Variants in CHD1L observed in about 807,000 individuals in gnomAD.
CHD1L encodes the protein chromodomain helicase DNA binding protein 1 like.
CHD1L carries 118 observed loss-of-function variants against 115.9 expected under a neutral mutation model. The ratio of observed to expected loss-of-function variants is 1.02; its 90% CI spans 0.88 to 1.19. The LOEUF (loss-of-function observed/expected upper bound fraction) is 1.19. Ranked by LOEUF, CHD1L falls within the 50% of genes most tolerant of loss-of-function variation. CHD1L has a pLI of 0.00. For synonymous variants in CHD1L, 411 were observed against 387.1 expected (o/e 1.06, Z -0.72); for missense variants, 1,179 against 1,065.3 (o/e 1.11, Z -1.49).
chr1:147,172,842 C>T, the CHD1L span: 5,962 of 152,478 alleles, frequency 0.039, 177 homozygotes, highest in South Asian at 0.095. Flanking sequence ...TGCTCGGTGC[C>T]GGGAGGAGCG....
intron 6 of CHD1L, among the ~76,000 whole-genome samples, chr1:147,262,580 G>T (rs782309244): frequency 1.3e-5 from 2 of 152,078 alleles, no homozygotes; most frequent in Non-Finnish European, 2.9e-5. Context: ...AACACATATT[G>T]TAAGAATGTG....
intron 15 of CHD1L, among the ~76,000 whole-genome samples, chr1:147,281,173 T>C (rs1413371486): frequency 6.6e-6 from 1 of 152,210 alleles, no homozygotes; most frequent in Non-Finnish European, 1.5e-5. Flanking sequence ...CTGCATGTAT[T>C]TTCATACCTT....
the CHD1L span, chr1:147,190,127 A>G: frequency 8.1e-7 from 1 of 1,241,798 alleles, no homozygotes; most frequent in Non-Finnish European, 1.2e-6. Flanking sequence ...TTCTTTTATT[A>G]AGAAATAAGT....
At chr1:147,256,285 C>T (rs1553940323) in intron 4 of CHD1L, among the ~76,000 whole-genome samples, 1 of 152,046 alleles carries the variant, frequency 6.6e-6, no homozygotes, top group Non-Finnish European at 1.5e-5. Context: ...ACAGCTCCGG[C>T]CTTATTTTAA....
the CHD1L span, chr1:147,175,014 T>G: frequency 6.6e-6 from 1 of 152,156 alleles, no homozygotes; most frequent in African/African-American, 2.4e-5. Flanking sequence ...AGTGAGGATG[T>G]GAGAATGAAG....
chr1:147,288,351 A>AC (rs1201334971), intron 19 of CHD1L, among the ~76,000 whole-genome samples: 1 of 147,052 alleles, frequency 6.8e-6, no homozygotes. Flanking sequence ...AAAAAAGAAA[A>AC]AGAGAACTAT....
the CHD1L span, among the ~76,000 whole-genome samples, chr1:147,235,864 T>C: frequency 3.3e-5 from 5 of 152,170 alleles, no homozygotes; most frequent in African/African-American, 1.2e-4. Context: ...GGGTGTTGCT[T>C]TGTGAGACAG....
intron 15 of CHD1L, among the ~76,000 whole-genome samples, chr1:147,282,194 T>G (rs944842330): frequency 6.6e-6 from 1 of 152,216 alleles, no homozygotes; most frequent in Admixed American, 6.5e-5. Flanking sequence ...GTGAGTCAGC[T>G]TTTACATGGA....
intron 6 of CHD1L, among the ~76,000 whole-genome samples, chr1:147,261,977 C>T (rs587629660): frequency 2.0e-5 from 3 of 152,034 alleles, no homozygotes; most frequent in East Asian, 3.9e-4. Flanking sequence ...GGGTGGATCA[C>T]GAGGTCAGGA....
At chr1:147,242,032 T>C (rs1214203170), upstream of CHD1L, among the ~76,000 whole-genome samples, 1 of 152,188 alleles carries the variant, frequency 6.6e-6, no homozygotes, top group African/African-American at 2.4e-5. Context: ...ATATTTATAT[T>C]AGTGGTATAC....
the CHD1L span, chr1:147,208,814 T>C: frequency 6.4e-7 from 1 of 1,553,270 alleles, no homozygotes; most frequent in Admixed American, 1.7e-5. Flanking sequence ...TTCTTGTGCT[T>C]TGGCCACTAT....
intron 18 of CHD1L, 130 bp downstream of exon 18, chr1:147,286,630 T>G (rs999650933): frequency 1.6e-5 from 13 of 788,638 alleles, no homozygotes; most frequent in Non-Finnish European, 2.6e-5. Flanking sequence ...AGTGTGAATT[T>G]TAGAGTCAGG....
chr1:147,217,751 T>G, the CHD1L span, among the ~76,000 whole-genome samples: 1 of 152,252 alleles, frequency 6.6e-6, no homozygotes, highest in Non-Finnish European at 1.5e-5. Context: ...GTGGCTGGAC[T>G]AAATCTCTGC....
At position 147,280,156 on chromosome 1, in the gene CHD1L, C is replaced by T. The variant is rs782423742; in HGVS notation, c.1670C>T (p.Ala557Val). Residue 557 changes from alanine (A) to valine (V), a missense_variant, in exon 15 of 23, where the codon GCA (alanine) becomes GTA (valine). Transcript: ENST00000369258. Reference sequence around the variant, plus strand: ...CAGTGGGTCTCTGATGCCTTGCCTGCAGCAGAAGGAGGGAGCAGAGATCAA... The same window carrying T: ...CAGTGGGTCTCTGATGCCTTGCCTGTAGCAGAAGGAGGGAGCAGAGATCAA... The part of the protein sequence containing the change: ...DGQWVSDALP[A>V]AEGGSRDQEE... 1.9e-6 allele frequency: 3 copies of T among 1,610,968 alleles called. No homozygotes were observed. Among genetic ancestry groups the T allele is most frequent in the African/African-American group, 2.7e-5 (2 of 74,756 alleles).
chr1:147,276,375 C>T (rs1460023940), intron 14 of CHD1L, 118 bp downstream of exon 14: 1 of 1,017,528 alleles, frequency 9.8e-7, no homozygotes, highest in Admixed American at 2.5e-5. Flanking sequence ...GTTCCTTGGC[C>T]TCCCTCACAC....
chr1:147,193,823 G>GAGTTTTTT, the CHD1L span, among the ~76,000 whole-genome samples: 1 of 152,122 alleles, frequency 6.6e-6, no homozygotes, highest in Non-Finnish European at 1.5e-5. Flanking sequence ...GGTTTTGAGT[G>GAGTTTTTT]AGTTTTTTAG....
chr1:147,291,445 G>C (rs781887912), intron 19 of CHD1L, 37 bp from the exon 20 acceptor site: 4 of 1,529,396 alleles, frequency 2.6e-6, no homozygotes, highest in Non-Finnish European at 3.6e-6. Flanking sequence ...TAGTGAACTT[G>C]GTGTTCTTTA....
At chr1:147,225,825 C>A in the CHD1L span, 1 of 152,154 alleles carries the variant, frequency 6.6e-6, no homozygotes, top group East Asian at 1.9e-4. Flanking sequence ...TTTATTCGGC[C>A]GGGAGCGTCG....
At chr1:147,279,207 C>T (rs193189157) in intron 14 of CHD1L, among the ~76,000 whole-genome samples, 4 of 152,080 alleles carry the variant, frequency 2.6e-5, no homozygotes, top group South Asian at 4.1e-4. Context: ...ACAAAATAGA[C>T]GATCTGGAGA....
Sources: gnomAD v4.1 joint callset for allele counts (sites outside exome capture counted in the v4.1 genomes callset) on GRCh38, gnomAD v4.1.1 for gene constraint, MANE v1.5 for transcripts, NCBI Gene and HGNC (gene_info 2026-07-23, HGNC 2026-07-21) for gene names.